ADAMTS9: variants seen among roughly 807,000 people sequenced by gnomAD.
The protein encoded by ADAMTS9 is A disintegrin and metalloproteinase with thrombospondin motifs 9.
Under a neutral mutation model 257.1 loss-of-function variants are expected in ADAMTS9, and 107 were observed. The observed-to-expected ratio is 0.42, with a 90% CI of 0.36 to 0.49. The LOEUF (loss-of-function observed/expected upper bound fraction) is 0.49. ADAMTS9 is among the 20% of genes least tolerant of loss of function. The pLI, the probability that ADAMTS9 is intolerant of heterozygous loss-of-function variation, is 0.03. For missense variants in ADAMTS9, 2,353 were observed against 2,469.1 expected, an observed-to-expected ratio of 0.95 and a Z score of 1.00; for synonymous variants, 982 against 880.9, an observed-to-expected ratio of 1.11 and a Z score of -2.03.
At chr3:64,659,221 A>C (rs960956692) in intron 3 of ADAMTS9, among the ~76,000 whole-genome samples, 2 of 152,214 alleles carry the variant, frequency 1.3e-5, no homozygotes, top group Admixed American at 6.5e-5. Context: ...TAATCCCAGC[A>C]CTTTGGGAGG....
intron 8 of ADAMTS9, among the ~76,000 whole-genome samples, chr3:64,651,725 T>A (rs1700936253): frequency 6.6e-6 from 1 of 152,114 alleles, no homozygotes; most frequent in African/African-American, 2.4e-5. Flanking sequence ...ATAAAACCCA[T>A]GAAAGGTAGT....
chr3:64,652,604 G>A (rs1489910131), intron 8 of ADAMTS9, among the ~76,000 whole-genome samples: 1 of 152,098 alleles, frequency 6.6e-6, no homozygotes, highest in Non-Finnish European at 1.5e-5. Flanking sequence ...ATGTAAATAA[G>A]CTGAAAATTT....
chr3:64,632,922 A>G (rs1700405230), intron 14 of ADAMTS9, among the ~76,000 whole-genome samples: 1 of 152,174 alleles, frequency 6.6e-6, no homozygotes, highest in African/African-American at 2.4e-5. Context: ...GAACGTTGAA[A>G]TGGTATCTAG....
intron 3 of ADAMTS9, among the ~76,000 whole-genome samples, chr3:64,665,068 G>C (rs910470450): frequency 2.0e-5 from 3 of 152,148 alleles, no homozygotes; most frequent in Non-Finnish European, 4.4e-5. Flanking sequence ...GTTTGCATTA[G>C]AAGAAAAGTG....
chr3:64,665,205 T>C (rs1465795644), intron 3 of ADAMTS9, among the ~76,000 whole-genome samples: 1 of 152,208 alleles, frequency 6.6e-6, no homozygotes, highest in East Asian at 1.9e-4. Context: ...TCACATTTTA[T>C]TACAAGGACA....
chr3:64,530,525 TTAA>T (rs2082966258), intron 38 of ADAMTS9, among the ~76,000 whole-genome samples: 1 of 129,396 alleles, frequency 7.7e-6, no homozygotes, highest in Admixed American at 8.6e-5. Flanking sequence ...ACACCAAGAT[TTAA>T]AAAAAAAAAA....
chr3:64,602,218 G>A lies in ADAMTS9; in HGVS notation c.3748-5C>T. The A allele has an allele frequency of 6.2e-7, 1 of 1,612,948 alleles. No individual in the cohort carries two copies. The highest frequency in any genetic ancestry group is 8.5e-7 in the Non-Finnish European group (1 of 1,179,422). On this transcript the variant is annotated splice_region_variant and splice_polypyrimidine_tract_variant and intron_variant, in intron 25 of 39. Coordinates refer to ENST00000498707, the MANE Select transcript of ADAMTS9 (RefSeq NM_182920.2). ...TTGCCCACAGGTCACAGAGCACTAG[G>A]TTGAATGTTCAGAAAGAGAAAGGGT...
rs1701949567 is a variant in ADAMTS9, at chr3:64,687,522, C to T, written c.115+21G>A. 1 of 1,511,242 alleles carries T rather than the reference C, an allele frequency of 6.6e-7. No homozygotes were observed. Among genetic ancestry groups the T allele is most frequent in the Non-Finnish European group, 8.9e-7 (1 of 1,124,518 alleles). The allele number at this position is 1,511,242 out of a possible 1,614,324, so 93.6% of individuals were successfully genotyped here. A position where few individuals can be genotyped will look rare whatever the true frequency, so the allele number is the denominator to read the frequency against. ...GGCGGCGTCGGGGCCGGCGGGGTCC[C>T]GGGGGCCGGAGCCTGGTTACCTTGC... On this transcript the variant is annotated intron_variant, in intron 1 of 39. Coordinates refer to ENST00000498707, the MANE Select transcript of ADAMTS9 (RefSeq NM_182920.2). The surrounding 1 kb of genome is among the most constrained non-coding windows in gnomAD (Gnocchi z 4.4).
At chr3:64,588,644 G>A (rs987549026) in intron 28 of ADAMTS9, 2 of 151,916 alleles carry the variant, frequency 1.3e-5, no homozygotes, top group African/African-American at 4.8e-5. Flanking sequence ...GAGAGGACCT[G>A]GACTCCTCCT....
chr3:64,596,993 TA>T lies in ADAMTS9; in HGVS notation c.4018-3del. The T allele has an allele frequency of 6.2e-7, 1 of 1,608,424 alleles. No individual in the cohort carries two copies. Among genetic ancestry groups the T allele is most frequent in the Non-Finnish European group, 8.5e-7 (1 of 1,176,698 alleles). On this transcript the variant is annotated splice_region_variant and splice_polypyrimidine_tract_variant and intron_variant, in intron 26 of 39. Transcript: ENST00000498707. ...TCCGCCAGCACAGGTACTGGAACAC[TA>T]AACACATCAGTCGACAAGTTAATCC...
In ADAMTS9 at chr3:64,640,840, C is replaced by A. The variant is rs1576150603; in HGVS notation, c.1856+1008G>T. Among the ~76,000 whole-genome samples, 3 of 152,174 alleles carry A rather than the reference C, an allele frequency of 2.0e-5. No homozygotes were observed. The South Asian group carries it at 6.2e-4, about 32-fold the overall frequency. On this transcript the variant is annotated intron_variant, in intron 12 of 39. Transcript: ENST00000498707. The stretch of plus-strand genomic sequence containing the variant: ...ATAAACAACCTTCCCCCACCCTCCA[C>A]CCCGCCCATGTCTGCTATGACAAAT...
chr3:64,637,613 C>G (rs997820134), intron 12 of ADAMTS9, among the ~76,000 whole-genome samples: 1 of 152,210 alleles, frequency 6.6e-6, no homozygotes, highest in African/African-American at 2.4e-5. Flanking sequence ...AGGGTTTGAA[C>G]AGAAATCAAC....
rs2084754155 is a variant in ADAMTS9 at position 64,615,938 on chromosome 3, CTT to C, written c.3024+20_3024+21del. 2.5e-6 allele frequency: 4 copies of C among 1,612,124 alleles called. No homozygotes were observed. The highest frequency in any genetic ancestry group is 3.4e-6 in the Non-Finnish European group (4 of 1,179,850). ...TAATCAGACAGCATCCAAGAAGACT[CTT>C]TGAGTGAGAGCCAACTTACTTCAGT... On this transcript the variant is annotated intron_variant, in intron 20 of 39. Coordinates refer to ENST00000498707, the MANE Select transcript of ADAMTS9 (RefSeq NM_182920.2).
intron 19 of ADAMTS9, among the ~76,000 whole-genome samples, chr3:64,618,507 G>T (rs933242225): frequency 2.6e-5 from 4 of 152,114 alleles, no homozygotes; most frequent in African/African-American, 9.7e-5. Flanking sequence ...ATCAGAGGAT[G>T]AACTATGGAA....
At chr3:64,539,056 C>G in intron 37 of ADAMTS9, 147 bp downstream of exon 37, 1 of 715,966 alleles carries the variant, frequency 1.4e-6, no homozygotes, top group South Asian at 1.7e-5. Flanking sequence ...GACTCCAGAG[C>G]ATTTGAGAGG....
chr3:64,542,563 G>A (rs1174621927), intron 32 of ADAMTS9, among the ~76,000 whole-genome samples: 1 of 151,912 alleles, frequency 6.6e-6, no homozygotes, highest in African/African-American at 2.4e-5. Flanking sequence ...GAGTATCTGG[G>A]ACTACAGGCA....
At chr3:64,564,117 A>G (rs1320450134) in intron 29 of ADAMTS9, among the ~76,000 whole-genome samples, 4 of 152,096 alleles carry the variant, frequency 2.6e-5, no homozygotes, top group Non-Finnish European at 5.9e-5. Flanking sequence ...GCAGATGAAA[A>G]CATCTGAATG....
At chr3:64,555,907 T>A (rs2083326958) in intron 30 of ADAMTS9, among the ~76,000 whole-genome samples, 1 of 152,142 alleles carries the variant, frequency 6.6e-6, no homozygotes. Flanking sequence ...CCCTAATGCC[T>A]AATGCCTGGA....
chr3:64,639,492 A>G (rs773852174), intron 12 of ADAMTS9, among the ~76,000 whole-genome samples: 14 of 151,920 alleles, frequency 9.2e-5, no homozygotes, highest in East Asian at 1.9e-4. Flanking sequence ...GCCCATTCCA[A>G]TTACGGAGTG....
Sources: gnomAD v4.1 joint callset for allele counts (sites outside exome capture counted in the v4.1 genomes callset) on GRCh38, gnomAD v4.1.1 for gene constraint, Gnocchi (gnomAD v3.1) non-coding constraint, MANE v1.5 for transcripts, NCBI Gene and HGNC (gene_info 2026-07-23, HGNC 2026-07-21) for gene names.